Variants in SMTN observed in about 807,000 individuals in gnomAD.
SMTN encodes smoothelin.
Under a neutral mutation model 102.0 loss-of-function variants are expected in SMTN, and 58 were observed. The observed-to-expected ratio is 0.57, with a 90% CI of 0.46 to 0.71. The LOEUF (loss-of-function observed/expected upper bound fraction) is 0.71. SMTN is among the 30% of genes least tolerant of loss of function. The pLI is 0.00. For missense variants in SMTN, 1,185 were observed against 1,241.7 expected (o/e 0.95, Z 0.69); for synonymous variants, 478 against 497.9 (o/e 0.96, Z 0.53).
At chr22:31,090,940 C>T (rs2043083060) in intron 9 of SMTN, 21 bp from the exon 10 acceptor site, 1 of 1,612,582 alleles carries the variant, frequency 6.2e-7, no homozygotes, top group Non-Finnish European at 8.5e-7. Flanking sequence ...CAGTTGCTGA[C>T]AGCCCTCCTG....
At chr22:31,074,887 C>T (rs2042093165) in intron 1 of SMTN, among the ~76,000 whole-genome samples, 1 of 152,164 alleles carries the variant, frequency 6.6e-6, no homozygotes, top group African/African-American at 2.4e-5. Flanking sequence ...TGAGAATTGA[C>T]TGAGGGAATG....
upstream of SMTN, among the ~76,000 whole-genome samples, chr22:31,078,221 C>T: frequency 6.6e-6 from 1 of 152,234 alleles, no homozygotes; most frequent in Admixed American, 6.5e-5. Flanking sequence ...CATCACCCTT[C>T]TTGCCTCCTG....
chr22:31,095,462 C>G lies in SMTN; in HGVS notation c.1785+7C>G. ...AGGAGTCTTGGACAAGATGGTATAG[C>G]CAGATCCGGTGGGCTGGGGGTTGGC... On this transcript the variant is annotated splice_region_variant and intron_variant, in intron 12 of 20. Transcript: ENST00000333137. The surrounding 1 kb of genome is among the most constrained non-coding windows in gnomAD (Gnocchi z 4.1). 2.5e-6 allele frequency: 4 copies of G among 1,614,192 alleles called. 1 individual carries two copies. The South Asian group carries it at 4.4e-5, about 18-fold the overall frequency.
intron 2 of SMTN, among the ~76,000 whole-genome samples, chr22:31,084,631 C>T (rs2042537455): frequency 6.6e-6 from 1 of 152,242 alleles, no homozygotes; most frequent in Non-Finnish European, 1.5e-5. Flanking sequence ...GCCTGGTTCC[C>T]GCACATCCTC....
At chr22:31,092,940 C>G (rs955542174) in intron 11 of SMTN, among the ~76,000 whole-genome samples, 3 of 152,348 alleles carry the variant, frequency 2.0e-5, no homozygotes, top group Non-Finnish European at 4.4e-5. Context: ...GTCCTGCCTC[C>G]CTGTGCCTCC....
intron 2 of SMTN, chr22:31,083,600 G>A: frequency 3.3e-6 from 1 of 307,556 alleles, no homozygotes; most frequent in Non-Finnish European, 6.1e-6. Flanking sequence ...GTGTGGGGAG[G>A]CTGGATATGC....
chr22:31,072,587 A>G (rs61124312), intron 1 of SMTN, among the ~76,000 whole-genome samples: 9,162 of 151,862 alleles, frequency 0.06, 900 homozygotes, highest in African/African-American at 0.21. Context: ...TCAGCCTCCC[A>G]AGTAGCTGGG....
chr22:31,073,301 G>C (rs1184455795), intron 1 of SMTN, among the ~76,000 whole-genome samples: 1 of 152,104 alleles, frequency 6.6e-6, no homozygotes, highest in African/African-American at 2.4e-5. Flanking sequence ...CACAACAGGA[G>C]GAATGTAACG....
At position 31,099,882 on chromosome 22, in the gene SMTN, C is replaced by T. The variant is rs757986696; in HGVS notation, c.2589C>T (p.Ala863=). ...ACCGACGCCAGAACTTCGAGGTGGC[C>T]TTCTCATCTGCGGAGTAAGTGTGGG... ...PQNRRQNFEV[A]FSSAETHADC... The change falls in exon 19 of 21, where the codon GCC becomes GCT. Residue 863 remains alanine (A), a synonymous_variant. Coordinates refer to ENST00000333137, the MANE Select transcript of SMTN (RefSeq NM_134269.3). 3.1e-6 allele frequency: 5 copies of T among 1,613,988 alleles called. No individual in the cohort carries two copies. Among genetic ancestry groups the T allele is most frequent in the Non-Finnish European group, 3.4e-6 (4 of 1,179,906 alleles).
At chr22:31,082,781 G>A (rs1324397957) in intron 1 of SMTN, 2 of 1,335,454 alleles carry the variant, frequency 1.5e-6, no homozygotes, top group East Asian at 2.5e-5. Flanking sequence ...GGCTGGGTAG[G>A]CCCTGTGGAT....
intron 2 of SMTN, chr22:31,085,268 C>A (rs746386309): frequency 1.3e-6 from 2 of 1,512,368 alleles, no homozygotes; most frequent in South Asian, 2.4e-5. Context: ...CTGGCTACCC[C>A]TTCGGCGCCT....
intron 1 of SMTN, chr22:31,067,777 C>G (rs1437436875): frequency 1.3e-5 from 2 of 152,146 alleles, no homozygotes; most frequent in Non-Finnish European, 2.9e-5. Context: ...CCGGGATGGT[C>G]TCGATCTCCT....
intron 11 of SMTN, chr22:31,092,492 C>T (rs1460300722): frequency 2.1e-5 from 10 of 471,202 alleles, no homozygotes; most frequent in African/African-American, 4.0e-5. Context: ...GGAGCTCAGC[C>T]GGGAAAGGGA....
rs2043820566 is a variant in SMTN at position 31,098,755 on chromosome 22, A to T, written c.2248A>T (p.Met750Leu). ...GCAGGCCGAGAAGAAGAAAGAGCTG[A>T]TGAAGGCGCAGAGTCTGCCCAAGAC... is the stretch of plus-strand genomic sequence containing the variant. ...KRQAEKKKEL[M>L]KAQSLPKTSA... Residue 750 changes from methionine (M) to leucine (L), a missense_variant, in exon 17 of 21, where the codon ATG becomes TTG. Physicochemically the swap from Met to Leu is conservative, Grantham distance 15 (BLOSUM62 2). Around this residue, in one of 2 missense-constraint regions of SMTN, gnomAD observed 1,096 missense variants for 1,112.7 expected, o/e 0.98. Transcript: ENST00000333137. 1 of 1,613,288 alleles carries T rather than the reference A, an allele frequency of 6.2e-7. No homozygotes were observed. Among genetic ancestry groups the T allele is most frequent in the Non-Finnish European group, 8.5e-7 (1 of 1,179,868 alleles).
rs1192814576 is a variant in SMTN at position 31,068,655 on chromosome 22, G to A, written c.-386+4468G>A. Reference sequence around the variant, plus strand: ...ATCCAGTGGTTCATTTGTTCCACACGTGTGTTGAGCCCCTTCGTTGACGCC... The same window carrying A: ...ATCCAGTGGTTCATTTGTTCCACACATGTGTTGAGCCCCTTCGTTGACGCC... On this transcript the variant is annotated intron_variant, in intron 1 of 3. Coordinates refer to the SMTN transcript ENST00000422839. Among the ~76,000 whole-genome samples, 4 of 152,312 alleles carry A rather than the reference G, an allele frequency of 2.6e-5. No individual in the cohort carries two copies. In the East Asian group the frequency reaches 7.7e-4, roughly 29 times the overall value.
At chr22:31,082,098 C>T (rs959677880) in intron 1 of SMTN, 2 of 171,270 alleles carry the variant, frequency 1.2e-5, no homozygotes, top group East Asian at 1.6e-4. Context: ...GGGTGACTTC[C>T]CAAGTGACTG....
rs925100269 is a variant in SMTN, at chr22:31,097,141, G to A, written c.2089+81G>A. ...GCTCTTCCTTGAGCTCTCTCTCCGT[G>A]TCTTCAACTGTGCCGTCACTTTCTC... On this transcript the variant is annotated intron_variant, in intron 15 of 20. Coordinates refer to ENST00000333137, the MANE Select transcript of SMTN (RefSeq NM_134269.3). 2.6e-6 allele frequency: 4 copies of A among 1,510,718 alleles called. No individual in the cohort carries two copies. The African/African-American group carries it at 4.1e-5, about 16-fold the overall frequency. The allele number at this position is 1,510,718 out of a possible 1,614,324, so 93.6% of individuals were successfully genotyped here. A position where few individuals can be genotyped will look rare whatever the true frequency, so the allele number is the denominator to read the frequency against.
At position 31,091,301 on chromosome 22, in the gene SMTN, T is replaced by G. The variant is rs2043115482; in HGVS notation, c.1278T>G (p.Leu426=). The G allele has an allele frequency of 6.2e-7, 1 of 1,601,752 alleles. No homozygotes were observed. The highest frequency in any genetic ancestry group is 1.3e-5 in the African/African-American group (1 of 74,692). ...GGCGGGGCTTGGCTGCTAGGCCCCT[T>G]GAAAACAGAGCAGGGGGGCCTGTGG... ...PRGRGLAARP[L]ENRAGGPVAR... is the part of the protein sequence containing the mutation. The change falls in exon 10 of 21, where the codon CTT becomes CTG. Residue 426 remains leucine, a synonymous_variant. Transcript: ENST00000333137.
intron 18 of SMTN, 162 bp downstream of exon 18, chr22:31,099,341 G>T: frequency 1.6e-6 from 1 of 607,126 alleles, no homozygotes; most frequent in East Asian, 2.8e-5. Context: ...GCTCAAAGAG[G>T]ACACAAGGCA....
Sources: allele counts gnomAD v4.1 joint callset (sites outside exome capture counted in the v4.1 genomes callset), GRCh38; gene constraint gnomAD v4.1.1; regional missense constraint gnomAD v4.1.1; non-coding constraint Gnocchi (gnomAD v3.1); transcripts MANE v1.5; gene names NCBI Gene and HGNC (gene_info 2026-07-23, HGNC 2026-07-21).